NAV3: variants seen among roughly 807,000 people sequenced by gnomAD.
NAV3 encodes the protein neuron navigator 3.
In NAV3, 87 loss-of-function variants were observed where a neutral mutation model predicts 244.7. The observed-to-expected ratio is 0.36, with a 90% CI of 0.30 to 0.42. The LOEUF (loss-of-function observed/expected upper bound fraction) is 0.42. Among genes scored for constraint, NAV3 ranks in the 20% least tolerant of loss-of-function variants. NAV3 has a pLI of 1.00. For synonymous variants in NAV3, 1,126 were observed against 1,042.2 expected (o/e 1.08, Z -1.55); for missense variants, 2,663 against 2,893.3 (o/e 0.92, Z 1.83).
At chr12:77,697,494 G>A (rs541006214) in intron 2 of NAV3, among the ~76,000 whole-genome samples, 90 of 152,170 alleles carry the variant, frequency 5.9e-4, no homozygotes, top group African/African-American at 2.0e-3. Context: ...ATGTTAATGC[G>A]CTGTTTGTGT....
chr12:77,965,207 C>T (rs1306363863), intron 3 of NAV3, among the ~76,000 whole-genome samples: 2 of 152,206 alleles, frequency 1.3e-5, no homozygotes, highest in African/African-American at 2.4e-5. Flanking sequence ...TTTCTATGCT[C>T]TTACGAATCT....
chr12:77,857,447 T>TA (rs1180667254), intron 1 of NAV3, among the ~76,000 whole-genome samples: 2 of 151,918 alleles, frequency 1.3e-5, no homozygotes, highest in Non-Finnish European at 2.9e-5. Context: ...TTTAAATTAT[T>TA]AAAAAAATCT....
intron 2 of NAV3, chr12:77,572,271 A>C (rs1868862782): frequency 6.5e-6 from 1 of 154,358 alleles, no homozygotes; most frequent in Non-Finnish European, 1.5e-5. Context: ...AAGAAGGTAA[A>C]AGAAATTTCT....
chr12:77,954,072 T>A (rs1300624547), intron 3 of NAV3, among the ~76,000 whole-genome samples: 1 of 152,178 alleles, frequency 6.6e-6, no homozygotes, highest in Non-Finnish European at 1.5e-5. Flanking sequence ...TTCTTTCTTT[T>A]GCTTGAGGCC....
intron 5 of NAV3, among the ~76,000 whole-genome samples, chr12:77,991,900 G>A (rs1030359654): frequency 7.2e-5 from 11 of 151,958 alleles, no homozygotes; most frequent in South Asian, 2.1e-4. Flanking sequence ...ATGTGGTGGC[G>A]GGTGCCTGTA....
intron 16 of NAV3, among the ~76,000 whole-genome samples, chr12:78,123,716 A>G (rs900825204): frequency 1.3e-5 from 2 of 152,152 alleles, no homozygotes; most frequent in African/African-American, 2.4e-5. Context: ...TTTTCCTCCT[A>G]AAGAAAAAAA....
intron 8 of NAV3, among the ~76,000 whole-genome samples, chr12:78,019,836 C>T (rs1262708373): frequency 2.0e-5 from 3 of 152,048 alleles, no homozygotes; most frequent in Non-Finnish European, 4.4e-5. Flanking sequence ...CAGAGGGCTC[C>T]ATGAATCAGG....
rs773026166 is a variant in NAV3 at position 78,190,199 on chromosome 12, G to A, written c.6271G>A (p.Val2091Met). ...KTEDAIATFNVDHKSSKELQQ... is the reference protein window; with the variant it reads ...KTEDAIATFNMDHKSSKELQQ... ...AGAGGATGCAATTGCCACTTTTAAT[G>A]TGGACCACAAGTCAAGTAAGGTATG... The change falls in exon 34 of 40, where the codon GTG becomes ATG. Residue 2091 changes from valine (V) to methionine (M), a missense_variant. Physicochemically the swap from Val to Met is conservative, Grantham distance 21. Coordinates refer to ENST00000397909, the MANE Select transcript of NAV3 (RefSeq NM_001024383.2). 2 of 1,612,140 alleles carry A rather than the reference G, an allele frequency of 1.2e-6. No individual in the cohort carries two copies. The highest frequency in any genetic ancestry group is 1.1e-5 in the South Asian group (1 of 91,002).
chr12:77,975,733 G>T (rs567585877), intron 5 of NAV3, among the ~76,000 whole-genome samples: 1 of 152,258 alleles, frequency 6.6e-6, no homozygotes, highest in East Asian at 1.9e-4. Flanking sequence ...ATAATTCAAA[G>T]AAACATAAGA....
intron 2 of NAV3, among the ~76,000 whole-genome samples, chr12:77,616,635 A>C (rs1871153971): frequency 6.6e-6 from 1 of 152,010 alleles, no homozygotes; most frequent in Non-Finnish European, 1.5e-5. Flanking sequence ...TAAATATCAG[A>C]ACTGAGCTGG....
At chr12:77,617,937 G>A (rs1300774449) in intron 2 of NAV3, among the ~76,000 whole-genome samples, 1 of 152,196 alleles carries the variant, frequency 6.6e-6, no homozygotes, top group African/African-American at 2.4e-5. Context: ...TTGTGACAGT[G>A]TCTATGTGAT....
intron 39 of NAV3, 76 bp downstream of exon 39, chr12:78,205,214 G>T: frequency 7.0e-7 from 1 of 1,426,306 alleles, no homozygotes; most frequent in South Asian, 1.3e-5. Context: ...GTTATTTCTA[G>T]CGAAGACATT....
chr12:77,644,898 C>A (rs1872552432), intron 2 of NAV3, among the ~76,000 whole-genome samples: 1 of 152,016 alleles, frequency 6.6e-6, no homozygotes, highest in Non-Finnish European at 1.5e-5. Context: ...AAAGGCATAC[C>A]TGAATAAATG....
intron 5 of NAV3, 133 bp downstream of exon 5, chr12:77,968,835 G>A: frequency 1.2e-6 from 1 of 863,384 alleles, no homozygotes; most frequent in Non-Finnish European, 1.7e-6. Context: ...TATTTGACTT[G>A]TGTAATAGAA....
At chr12:78,146,093 G>C (rs1180539931) in intron 20 of NAV3, among the ~76,000 whole-genome samples, 1 of 151,934 alleles carries the variant, frequency 6.6e-6, no homozygotes, top group Non-Finnish European at 1.5e-5. Context: ...TTACATCTTA[G>C]AGTCTTTTAA....
Position 77,965,447 on chromosome 12 carries a change from C to T in NAV3, c.415-782C>T, listed in dbSNP as rs142746185. Among the ~76,000 whole-genome samples the T allele has an allele frequency of 2.0e-5, 3 of 152,148 alleles. No individual in the cohort carries two copies. In the East Asian group the frequency reaches 5.8e-4, roughly 30 times the overall value. On this transcript the variant is annotated intron_variant, in intron 3 of 39. Transcript: ENST00000397909. The stretch of plus-strand genomic sequence containing the variant: ...CCAGTCTGGCCAACATGGCAAAACC[C>T]CTCTCTATAAAAATATAAAAAATTA...
At chr12:77,929,735 C>T (rs763700976) in intron 1 of NAV3, among the ~76,000 whole-genome samples, 56 of 151,278 alleles carry the variant, frequency 3.7e-4, no homozygotes, top group African/African-American at 1.1e-3. Context: ...CTGGTTCAAG[C>T]GATTCTCCTG....
At chr12:78,168,905 A>T in intron 24 of NAV3, 39 bp downstream of exon 24, 1 of 1,409,370 alleles carries the variant, frequency 7.1e-7, no homozygotes, top group South Asian at 1.2e-5. Flanking sequence ...CCAATATAAT[A>T]GACATCTATT....
intron 22 of NAV3, 63 bp downstream of exon 22, chr12:78,148,982 T>C: frequency 7.3e-7 from 1 of 1,372,146 alleles, no homozygotes; most frequent in East Asian, 2.5e-5. Context: ...TGAAATCATT[T>C]TAGTAACAAA....
Sources: allele counts gnomAD v4.1 joint callset (sites outside exome capture counted in the v4.1 genomes callset), GRCh38; gene constraint gnomAD v4.1.1; transcripts MANE v1.5; gene names NCBI Gene and HGNC (gene_info 2026-07-23, HGNC 2026-07-21).